The following RPTOR variants were observed in gnomAD, a reference collection of about 807,000 sequenced individuals.
The protein encoded by RPTOR is regulatory associated protein of MTOR complex 1, also known as regulatory-associated protein of mTOR.
Under a neutral mutation model 169.9 loss-of-function variants are expected in RPTOR, and 21 were observed. The observed-to-expected ratio is 0.12, with a 90% CI of 0.09 to 0.18. The LOEUF is 0.18. RPTOR is among the 10% of genes least tolerant of loss of function. The pLI is 1.00. For synonymous variants in RPTOR, 732 were observed against 753.2 expected, an observed-to-expected ratio of 0.97 and a Z score of 0.46; for missense variants, 1,133 against 1,855.9, an observed-to-expected ratio of 0.61 and a Z score of 7.16.
chr17:80,554,533 G>T (rs1248958851), intron 1 of RPTOR, among the ~76,000 whole-genome samples: 1 of 152,004 alleles, frequency 6.6e-6, no homozygotes, highest in Admixed American at 6.6e-5. Flanking sequence ...CATGAGGTCA[G>T]GAGATCAAGA....
At chr17:80,602,670 G>T in intron 1 of RPTOR, 3 of 705,182 alleles carry the variant, frequency 4.3e-6, no homozygotes, top group Non-Finnish European at 5.3e-6. Context: ...GGATAACCAC[G>T]CACGGATGCG....
chr17:80,581,554 T>C (rs1467044563), intron 1 of RPTOR, among the ~76,000 whole-genome samples: 3 of 144,782 alleles, frequency 2.1e-5, no homozygotes, highest in Non-Finnish European at 4.6e-5. Context: ...GGCCAGTGCA[T>C]GCCTGCTATT....
chr17:80,842,028 C>T (rs1440177978), intron 10 of RPTOR, among the ~76,000 whole-genome samples: 1 of 152,124 alleles, frequency 6.6e-6, no homozygotes, highest in Non-Finnish European at 1.5e-5. Context: ...CACACGGCAG[C>T]TCACTCTCAC....
At chr17:80,563,917 TTGTC>T in intron 1 of RPTOR, among the ~76,000 whole-genome samples, 1 of 152,312 alleles carries the variant, frequency 6.6e-6, no homozygotes, top group South Asian at 2.1e-4. Flanking sequence ...TCGCTCAGCA[TTGTC>T]TGTGAGATTC....
chr17:80,780,555 G>A (rs956080745), intron 6 of RPTOR, among the ~76,000 whole-genome samples: 1 of 152,176 alleles, frequency 6.6e-6, no homozygotes, highest in Non-Finnish European at 1.5e-5. Flanking sequence ...AGGACATCTC[G>A]GCAGGGCTGC....
intron 3 of RPTOR, among the ~76,000 whole-genome samples, chr17:80,649,191 C>T (rs1198842473): frequency 6.6e-6 from 1 of 152,204 alleles, no homozygotes; most frequent in African/African-American, 2.4e-5. Flanking sequence ...CAGTACTCCA[C>T]ACCTGGAGGT....
chr17:80,882,154 A>G (rs142193020), intron 14 of RPTOR, among the ~76,000 whole-genome samples: 1 of 152,334 alleles, frequency 6.6e-6, no homozygotes, highest in Non-Finnish European at 1.5e-5. Flanking sequence ...GCGAGAAGAT[A>G]TGAAAGCCGG....
intron 5 of RPTOR, among the ~76,000 whole-genome samples, chr17:80,744,981 A>T (rs2066557517): frequency 6.6e-6 from 1 of 152,156 alleles, no homozygotes; most frequent in Non-Finnish European, 1.5e-5. Context: ...AGCCCTGGTT[A>T]CTAGCACAGC....
intron 7 of RPTOR, among the ~76,000 whole-genome samples, chr17:80,795,329 G>A (rs1185471902): frequency 2.0e-5 from 3 of 152,204 alleles, no homozygotes; most frequent in Admixed American, 1.3e-4. Flanking sequence ...CCCATCCACC[G>A]TGGGATGTTA....
At chr17:80,837,117 A>G (rs1350342875) in intron 9 of RPTOR, among the ~76,000 whole-genome samples, 2 of 152,020 alleles carry the variant, frequency 1.3e-5, no homozygotes, top group African/African-American at 4.8e-5. Context: ...CGGAGGAGAA[A>G]GCCTCATAAT....
intron 13 of RPTOR, among the ~76,000 whole-genome samples, chr17:80,864,765 C>A (rs995071006): frequency 6.6e-6 from 1 of 152,122 alleles, no homozygotes; most frequent in Admixed American, 6.5e-5. Context: ...TTATTTAAAT[C>A]TTCTTTAAAA....
At chr17:80,903,462 C>A (rs2068502218) in intron 20 of RPTOR, among the ~76,000 whole-genome samples, 1 of 152,252 alleles carries the variant, frequency 6.6e-6, no homozygotes, top group Admixed American at 6.5e-5. Flanking sequence ...CTGCCCAGGC[C>A]TCTCAGCCGC....
chr17:80,727,743 C>T (rs1046393243), intron 4 of RPTOR, among the ~76,000 whole-genome samples: 1 of 150,866 alleles, frequency 6.6e-6, no homozygotes, highest in African/African-American at 2.4e-5. Context: ...ACCACACTGG[C>T]ATTTAGATAA....
intron 28 of RPTOR, among the ~76,000 whole-genome samples, chr17:80,953,404 G>A (rs1301491223): frequency 2.0e-5 from 3 of 152,344 alleles, no homozygotes; most frequent in Middle Eastern, 3.4e-3. Flanking sequence ...CTGAGTAGCT[G>A]GGACCACAGG....
intron 16 of RPTOR, among the ~76,000 whole-genome samples, chr17:80,884,656 C>T (rs145609398): frequency 2.6e-5 from 4 of 152,326 alleles, no homozygotes; most frequent in Admixed American, 6.5e-5. Flanking sequence ...TGCCTGCGCC[C>T]TCCCCTCTTT....
At chr17:80,608,356 C>T (rs1009697169) in intron 1 of RPTOR, among the ~76,000 whole-genome samples, 5 of 152,180 alleles carry the variant, frequency 3.3e-5, no homozygotes, top group East Asian at 1.9e-4. Context: ...AGAATATTCT[C>T]GAGGTCTTCC....
chr17:80,613,703 G>A (rs1451878777), intron 1 of RPTOR, among the ~76,000 whole-genome samples: 1 of 151,546 alleles, frequency 6.6e-6, no homozygotes, highest in Non-Finnish European at 1.5e-5. Context: ...GTTGTTGAAT[G>A]AAGTGGTGTT....
At chr17:80,954,653 TGGTG>T (rs2069225986) in intron 28 of RPTOR, among the ~76,000 whole-genome samples, 1 of 152,128 alleles carries the variant, frequency 6.6e-6, no homozygotes, top group South Asian at 2.1e-4. Flanking sequence ...GGGCCAGGCG[TGGTG>T]GCTCACGCCT....
chr17:80,819,854 G>A (rs553852267), intron 7 of RPTOR, among the ~76,000 whole-genome samples: 6 of 152,232 alleles, frequency 3.9e-5, no homozygotes, highest in South Asian at 2.1e-4. Flanking sequence ...CACAGACTCC[G>A]GGCACTTCCC....
Sources: gnomAD v4.1 joint callset for allele counts (sites outside exome capture counted in the v4.1 genomes callset) on GRCh38, gnomAD v4.1.1 for gene constraint, MANE v1.5 for transcripts, NCBI Gene and HGNC (gene_info 2026-07-23, HGNC 2026-07-21) for gene names.